Variants in SLC14A2 observed in about 807,000 individuals in gnomAD.
SLC14A2 encodes solute carrier family 14 member 2, also known as urea transporter 2.
Under a neutral mutation model 104.6 loss-of-function variants are expected in SLC14A2, and 91 were observed. The observed-to-expected ratio is 0.87, with a 90% CI of 0.73 to 1.04. SLC14A2 has a LOEUF of 1.04. SLC14A2 is among the 50% of genes least tolerant of loss of function. The pLI is 0.00. For missense variants in SLC14A2, 1,189 were observed against 1,156.0 expected (o/e 1.03, Z -0.41); for synonymous variants, 476 against 466.4 (o/e 1.02, Z -0.27).
At chr18:45,225,552 G>A (rs1270068953) in intron 1 of SLC14A2, among the ~76,000 whole-genome samples, 1 of 152,150 alleles carries the variant, frequency 6.6e-6, no homozygotes. Context: ...GCTGGATGGG[G>A]ATGGCATTGA....
intron 1 of SLC14A2, among the ~76,000 whole-genome samples, chr18:45,267,252 C>G (rs2084601274): frequency 6.6e-6 from 1 of 152,136 alleles, no homozygotes. Flanking sequence ...CCTCATGCAG[C>G]TGATAGGAGA....
intron 2 of SLC14A2, among the ~76,000 whole-genome samples, chr18:45,539,956 A>T (rs1399963523): frequency 6.6e-6 from 1 of 152,164 alleles, no homozygotes; most frequent in East Asian, 1.9e-4. Context: ...AAAATACTGT[A>T]TGTGAAACAG....
chr18:45,393,878 A>G (rs1568180628), intron 1 of SLC14A2, among the ~76,000 whole-genome samples: 1 of 152,134 alleles, frequency 6.6e-6, no homozygotes, highest in Non-Finnish European at 1.5e-5. Context: ...AAATCCCTCT[A>G]TGGTATCATC....
chr18:45,396,653 CT>C (rs1265496871), intron 1 of SLC14A2, among the ~76,000 whole-genome samples: 5 of 137,322 alleles, frequency 3.6e-5, no homozygotes, highest in Admixed American at 1.5e-4. Flanking sequence ...TTTTTTCCCT[CT>C]TTTTTCCCTC....
chr18:45,177,543 T>C, the SLC14A2 span, among the ~76,000 whole-genome samples: 6 of 152,134 alleles, frequency 3.9e-5, no homozygotes, highest in African/African-American at 7.2e-5. Context: ...GCATGTCCTG[T>C]TTCCCGCATC....
At chr18:45,470,637 A>AG (rs2087230313) in intron 1 of SLC14A2, among the ~76,000 whole-genome samples, 1 of 152,142 alleles carries the variant, frequency 6.6e-6, no homozygotes, top group East Asian at 1.9e-4. Flanking sequence ...TAGTTTATAC[A>AG]ATATATTTAA....
At chr18:45,335,323 A>C (rs542070613) in intron 1 of SLC14A2, among the ~76,000 whole-genome samples, 1 of 152,116 alleles carries the variant, frequency 6.6e-6, no homozygotes, top group South Asian at 2.1e-4. Context: ...CTTTTTGTCT[A>C]GCTTCTTTTA....
intron 1 of SLC14A2, among the ~76,000 whole-genome samples, chr18:45,238,406 A>AG (rs2084277666): frequency 6.6e-6 from 1 of 152,194 alleles, no homozygotes; most frequent in African/African-American, 2.4e-5. Context: ...AAGATCCAAA[A>AG]GGTAAGATGG....
chr18:45,358,805 A>T (rs999629515), intron 1 of SLC14A2, among the ~76,000 whole-genome samples: 40 of 151,932 alleles, frequency 2.6e-4, no homozygotes, highest in Admixed American at 9.8e-4. Flanking sequence ...CGAATTCCTG[A>T]CCTCAAACAG....
At chr18:45,174,568 C>T in the SLC14A2 span, among the ~76,000 whole-genome samples, 1 of 152,084 alleles carries the variant, frequency 6.6e-6, no homozygotes, top group African/African-American at 2.4e-5. Context: ...AATGTCAGTC[C>T]TAAATTGTCA....
intron 1 of SLC14A2, among the ~76,000 whole-genome samples, chr18:45,477,725 T>C (rs911239716): frequency 6.6e-6 from 1 of 152,166 alleles, no homozygotes; most frequent in African/African-American, 2.4e-5. Flanking sequence ...ACAGCAGCTT[T>C]GTAGAGCTGC....
chr18:45,173,594 G>T, the SLC14A2 span, among the ~76,000 whole-genome samples: 28 of 152,088 alleles, frequency 1.8e-4, no homozygotes, highest in Admixed American at 3.9e-4. Context: ...GGGTGCTGAT[G>T]GGCTAGTGAA....
chr18:45,361,783 G>C (rs181736349), intron 1 of SLC14A2, among the ~76,000 whole-genome samples: 1 of 150,308 alleles, frequency 6.7e-6, no homozygotes, highest in Non-Finnish European at 1.5e-5. Context: ...GATTTTGCTT[G>C]AAGAAAGTCT....
chr18:45,257,586 T>C (rs147070193), intron 1 of SLC14A2, among the ~76,000 whole-genome samples: 3 of 152,338 alleles, frequency 2.0e-5, no homozygotes, highest in Non-Finnish European at 4.4e-5. Context: ...AATTACAATA[T>C]GGTTAATATT....
chr18:45,511,870 T>G (rs547064534), intron 2 of SLC14A2, among the ~76,000 whole-genome samples: 1 of 152,318 alleles, frequency 6.6e-6, no homozygotes, highest in South Asian at 2.1e-4. Flanking sequence ...AGCCTCCATC[T>G]GCACACCAGG....
chr18:45,181,750 A>G, the SLC14A2 span, among the ~76,000 whole-genome samples: 1 of 152,208 alleles, frequency 6.6e-6, no homozygotes, highest in African/African-American at 2.4e-5. Flanking sequence ...TAACATCAAA[A>G]TGTATTTGAA....
chr18:45,659,424 C>T (rs977474183), intron 10 of SLC14A2, among the ~76,000 whole-genome samples: 3 of 152,206 alleles, frequency 2.0e-5, no homozygotes, highest in East Asian at 1.9e-4. Flanking sequence ...GGTTTCACAA[C>T]CAGACGGAAT....
rs189773268 is a variant in SLC14A2, at chr18:45,390,785, C to T, written c.-124-92448C>T. The stretch of plus-strand genomic sequence containing the variant: ...CAAGCTGCGCACCTTTCACCCAGAT[C>T]GTATAATGCTCACAATAACCAGGTG... On this transcript the variant is annotated intron_variant, in intron 1 of 20. Transcript: ENST00000586448. Among the ~76,000 whole-genome samples, 6 of 152,256 alleles carry T rather than the reference C, an allele frequency of 3.9e-5. No homozygotes were observed. The East Asian group carries it at 5.8e-4, about 15-fold the overall frequency.
intron 13 of SLC14A2, 57 bp downstream of exon 13, chr18:45,667,151 C>A: frequency 7.0e-7 from 1 of 1,436,126 alleles, no homozygotes; most frequent in South Asian, 1.3e-5. Flanking sequence ...CTCCACCCAT[C>A]CCCAGGAAAC....
Sources: gnomAD v4.1 joint callset for allele counts (sites outside exome capture counted in the v4.1 genomes callset) on GRCh38, gnomAD v4.1.1 for gene constraint, MANE v1.5 for transcripts, NCBI Gene and HGNC (gene_info 2026-07-23, HGNC 2026-07-21) for gene names.